TPRX1: variants seen among roughly 807,000 people sequenced by gnomAD.
TPRX1 encodes the protein tetrapeptide repeat homeobox 1, also known as tetra-peptide repeat homeobox protein 1.
TPRX1 carries 2 observed loss-of-function variants against 8.1 expected under a neutral mutation model. That is an observed-to-expected ratio of 0.25 (90% CI 0.10 to 0.78). The LOEUF is 0.78. Among genes scored for constraint, TPRX1 ranks in the 30% least tolerant of loss-of-function variants. TPRX1 has a pLI of 0.70. For missense variants in TPRX1, 517 were observed against 586.9 expected (o/e 0.88, Z 1.23); for synonymous variants, 257 against 254.1 (o/e 1.01, Z -0.11).
chr19:47,810,452 C>G (rs1967772734), intron 2 of TPRX1, among the ~76,000 whole-genome samples: 1 of 147,060 alleles, frequency 6.8e-6, no homozygotes. Context: ...AGGTTCAAAC[C>G]CTTCTCCTGC....
At chr19:47,802,676 G>C in exon 4 of TPRX1, 3 of 1,567,400 alleles carry the variant, frequency 1.9e-6, no homozygotes, top group Non-Finnish European at 2.6e-6. Context: ...GCCAGGGAGT[G>C]GGCCTGGGAT....
chr19:47,818,278 TCACC>T (rs748171732), intron 2 of TPRX1, among the ~76,000 whole-genome samples: 153 of 98,548 alleles, frequency 1.6e-3, no homozygotes, highest in East Asian at 2.3e-3. Flanking sequence ...CATCCATCCA[TCACC>T]CATCCATCCA....
At chr19:47,815,154 A>T (rs1342664869) in intron 2 of TPRX1, among the ~76,000 whole-genome samples, 29 of 85,480 alleles carry the variant, frequency 3.4e-4, no homozygotes, top group African/African-American at 1.4e-3. Context: ...GCAAATATAT[A>T]TATATATATT....
chr19:47,813,110 A>AATAAATAG, intron 2 of TPRX1, among the ~76,000 whole-genome samples: 1 of 122,710 alleles, frequency 8.1e-6, no homozygotes. Context: ...GTGTCTCAAA[A>AATAAATAG]ATAAATAAAT....
chr19:47,815,152 ATATATATATAT>A (rs1478091267), intron 2 of TPRX1, among the ~76,000 whole-genome samples: 11 of 86,180 alleles, frequency 1.3e-4, no homozygotes, highest in African/African-American at 4.6e-4. Flanking sequence ...ATGCAAATAT[ATATATATATAT>A]TTTTTTTTTT....
At chr19:47,809,335 C>T (rs1967762329) in intron 2 of TPRX1, among the ~76,000 whole-genome samples, 1 of 151,952 alleles carries the variant, frequency 6.6e-6, no homozygotes, top group Admixed American at 6.6e-5. Context: ...GGCTGCGTTG[C>T]ACTGTCATGA....
At chr19:47,807,912 T>G (rs1199000586) in intron 2 of TPRX1, among the ~76,000 whole-genome samples, 2 of 151,892 alleles carry the variant, frequency 1.3e-5, no homozygotes, top group Non-Finnish European at 2.9e-5. Flanking sequence ...AAGGATGAAA[T>G]GTGTATAGTA....
chr19:47,807,269 C>G (rs1488003393), intron 2 of TPRX1, among the ~76,000 whole-genome samples: 1 of 152,130 alleles, frequency 6.6e-6, no homozygotes, highest in Non-Finnish European at 1.5e-5. Flanking sequence ...GTTGCCCAGT[C>G]TCGTCTCGAA....
intron 2 of TPRX1, among the ~76,000 whole-genome samples, chr19:47,809,789 T>C (rs916401125): frequency 2.6e-5 from 4 of 152,112 alleles, no homozygotes; most frequent in Non-Finnish European, 4.4e-5. Context: ...CCTTTTCTCG[T>C]CCTGATGTGT....
exon 4 of TPRX1, chr19:47,801,691 C>T (rs1378703029): frequency 2.0e-6 from 3 of 1,470,518 alleles, no homozygotes; most frequent in Non-Finnish European, 1.8e-6. Flanking sequence ...AAGGGTGATG[C>T]ATTCACTGCA....
At chr19:47,812,342 A>C (rs138016079) in intron 2 of TPRX1, among the ~76,000 whole-genome samples, 1 of 152,030 alleles carries the variant, frequency 6.6e-6, no homozygotes, top group Non-Finnish European at 1.5e-5. Flanking sequence ...CATGCCTGTA[A>C]TCCCAGCACC....
chr19:47,813,894 G>A (rs1330802958), intron 2 of TPRX1, among the ~76,000 whole-genome samples: 1 of 150,708 alleles, frequency 6.6e-6, no homozygotes, highest in Non-Finnish European at 1.5e-5. Context: ...ACGGCCACCA[G>A]GGGGCGGCAG....
chr19:47,808,131 T>C (rs184585142), intron 2 of TPRX1, among the ~76,000 whole-genome samples: 1 of 152,110 alleles, frequency 6.6e-6, no homozygotes, highest in African/African-American at 2.4e-5. Flanking sequence ...TTATTTGTTT[T>C]GAGATGGAAT....
chr19:47,815,075 A>C (rs2123720059), intron 2 of TPRX1, among the ~76,000 whole-genome samples: 1 of 134,430 alleles, frequency 7.4e-6, no homozygotes, highest in South Asian at 2.4e-4. Flanking sequence ...CTGGGATTAC[A>C]GGTGTGAGTC....
chr19:47,807,149 A>G (rs977499023), intron 2 of TPRX1, among the ~76,000 whole-genome samples: 12 of 152,124 alleles, frequency 7.9e-5, no homozygotes, highest in African/African-American at 2.9e-4. Flanking sequence ...CAAGTGATCC[A>G]CCCATCTCGG....
intron 2 of TPRX1, among the ~76,000 whole-genome samples, chr19:47,807,232 A>G (rs1967743437): frequency 6.6e-6 from 1 of 151,844 alleles, no homozygotes; most frequent in African/African-American, 2.4e-5. Context: ...GTACTTTATG[A>G]TTATTCTTTT....
At chr19:47,814,553 CT>C (rs1260393250) in intron 2 of TPRX1, among the ~76,000 whole-genome samples, 1 of 152,092 alleles carries the variant, frequency 6.6e-6, no homozygotes. Context: ...ACTCTCCCCT[CT>C]CTGTTCCTTT....
chr19:47,805,191 T>C (rs950873791), intron 2 of TPRX1, among the ~76,000 whole-genome samples: 3 of 152,208 alleles, frequency 2.0e-5, no homozygotes, highest in Admixed American at 6.5e-5. Flanking sequence ...GAAGTTCTGA[T>C]AGGCATTCAC....
exon 4 of TPRX1, chr19:47,802,439 A>G: frequency 7.2e-7 from 1 of 1,394,142 alleles, no homozygotes; most frequent in Non-Finnish European, 9.6e-7. Flanking sequence ...CGGGCCTGAG[A>G]TTGGGCCTGG....
Sources: allele counts gnomAD v4.1 joint callset (sites outside exome capture counted in the v4.1 genomes callset), GRCh38; gene constraint gnomAD v4.1.1; transcripts MANE v1.5; gene names NCBI Gene and HGNC (gene_info 2026-07-23, HGNC 2026-07-21).